The following UTRN variants were observed in gnomAD, a reference collection of about 807,000 sequenced individuals.
UTRN encodes dystrophin-related protein 1.
Under a neutral mutation model 463.9 loss-of-function variants are expected in UTRN, and 283 were observed. The observed-to-expected ratio is 0.61, with a 90% CI of 0.55 to 0.67. The LOEUF is 0.67. Ranked by LOEUF, UTRN falls within the 30% of genes least tolerant of loss-of-function variation. UTRN has a pLI of 0.00. For missense variants in UTRN, 3,922 were observed against 4,084.3 expected (o/e 0.96, Z 1.08); for synonymous variants, 1,442 against 1,431.5 (o/e 1.01, Z -0.17).
chr6:144,743,956 A>G (rs1298953182), intron 54 of UTRN, among the ~76,000 whole-genome samples: 5 of 150,610 alleles, frequency 3.3e-5, no homozygotes, highest in African/African-American at 4.9e-5. Context: ...TATTCATAAT[A>G]CATGATACAT....
intron 51 of UTRN, among the ~76,000 whole-genome samples, chr6:144,585,656 C>T (rs1376928980): frequency 2.0e-5 from 3 of 151,984 alleles, no homozygotes; most frequent in African/African-American, 7.2e-5. Flanking sequence ...GTAGCTATAC[C>T]AACCAAAAAT....
intron 58 of UTRN, among the ~76,000 whole-genome samples, chr6:144,763,380 C>G (rs958550921): frequency 2.6e-5 from 4 of 152,120 alleles, no homozygotes; most frequent in Admixed American, 2.0e-4. Flanking sequence ...CTGCAAAGCT[C>G]TTTTAGACCT....
intron 20 of UTRN, 68 bp downstream of exon 20, chr6:144,459,079 C>T (rs1393896936): frequency 3.2e-6 from 5 of 1,562,454 alleles, no homozygotes; most frequent in East Asian, 2.3e-5. Context: ...GAGGGCTTCT[C>T]GTATCATGAA....
At chr6:144,481,486 ATTAT>A (rs1286078071) in intron 26 of UTRN, among the ~76,000 whole-genome samples, 1 of 152,234 alleles carries the variant, frequency 6.6e-6, no homozygotes, top group African/African-American at 2.4e-5. Context: ...AAAAGCTTAA[ATTAT>A]TTAGAGAACT....
chr6:144,381,425 A>C (rs539231528), intron 2 of UTRN, among the ~76,000 whole-genome samples: 1 of 152,280 alleles, frequency 6.6e-6, no homozygotes, highest in African/African-American at 2.4e-5. Context: ...TCCACCACTA[A>C]TGGGCATTTA....
At chr6:144,783,802 A>T (rs1776069426) in intron 61 of UTRN, among the ~76,000 whole-genome samples, 1 of 152,156 alleles carries the variant, frequency 6.6e-6, no homozygotes, top group African/African-American at 2.4e-5. Flanking sequence ...AGTCTTTCTA[A>T]ATAATCAGCC....
rs568435665 is a variant in UTRN, at chr6:144,301,120, TC to T, written c.79+9215del. Among the ~76,000 whole-genome samples, 26 of 152,254 alleles carry T rather than the reference TC, an allele frequency of 1.7e-4. No homozygotes were observed. The South Asian group carries it at 5.4e-3, about 32-fold the overall frequency. On this transcript the variant is annotated intron_variant, in intron 2 of 74. Coordinates refer to ENST00000367545, the MANE Select transcript of UTRN (RefSeq NM_007124.3). ...AGTTTACTCTGTTACCTCATCTAGT[TC>T]CTTTAGGTGATTAGAAAATGCCGTA...
chr6:144,630,351 C>T (rs1266105330), intron 51 of UTRN, among the ~76,000 whole-genome samples: 1 of 152,170 alleles, frequency 6.6e-6, no homozygotes, highest in Non-Finnish European at 1.5e-5. Flanking sequence ...AAAGACATAC[C>T]TGACACTGGG....
intron 7 of UTRN, among the ~76,000 whole-genome samples, chr6:144,426,703 T>TA (rs1214868034): frequency 1.3e-5 from 2 of 152,200 alleles, no homozygotes; most frequent in Non-Finnish European, 2.9e-5. Context: ...TTTATGAATT[T>TA]AAAAAATATG....
At chr6:144,465,275 C>T (rs919827894) in intron 23 of UTRN, among the ~76,000 whole-genome samples, 1 of 152,162 alleles carries the variant, frequency 6.6e-6, no homozygotes, top group African/African-American at 2.4e-5. Context: ...ATGTATGCTA[C>T]TATTTCAATA....
intron 51 of UTRN, among the ~76,000 whole-genome samples, chr6:144,590,995 AC>A (rs1803008955): frequency 6.6e-6 from 1 of 152,166 alleles, no homozygotes; most frequent in African/African-American, 2.4e-5. Flanking sequence ...TACTGTTGTT[AC>A]CGTTACCACT....
At position 144,851,992 on chromosome 6, in the gene UTRN, T is replaced by C. The variant is rs1011529755; in HGVS notation, c.*995T>C. The stretch of plus-strand genomic sequence containing the variant: ...CCTATTGTGATACCAGAACACATCA[T>C]TGTCTTTGGTTCCCTTCAAAGAGAA... On this transcript the variant is annotated 3_prime_UTR_variant, in exon 75 of 75. Transcript: ENST00000367545. 2.7e-5 allele frequency: 4 copies of C among 150,518 alleles called. No homozygotes were observed. The highest frequency in any genetic ancestry group is 4.4e-5 in the Non-Finnish European group (3 of 67,984). 9.3% of individuals were successfully genotyped at this position (150,518 alleles called of 1,614,324 possible). A position where few individuals can be genotyped will look rare whatever the true frequency, so the allele number is the denominator to read the frequency against.
At position 144,382,461 on chromosome 6, in the gene UTRN, A is replaced by G. The variant is rs1351978341; in HGVS notation, c.80-20662A>G. Reference sequence around the variant, plus strand: ...GTATTCTAAGACAATTCTCCAGGGGATTCTGATGTTTTGCTACATCTGGGA... The same window carrying G: ...GTATTCTAAGACAATTCTCCAGGGGGTTCTGATGTTTTGCTACATCTGGGA... On this transcript the variant is annotated intron_variant, in intron 2 of 74. Transcript: ENST00000367545. Among the ~76,000 whole-genome samples the G allele has an allele frequency of 2.0e-5, 3 of 152,108 alleles. No homozygotes were observed. In the East Asian group the frequency reaches 5.8e-4, roughly 29 times the overall value.
intron 56 of UTRN, among the ~76,000 whole-genome samples, chr6:144,752,748 G>A (rs972223069): frequency 7.9e-5 from 12 of 151,316 alleles, no homozygotes; most frequent in African/African-American, 2.2e-4. Flanking sequence ...TTTTTCTTCT[G>A]CTCTGTTTCT....
intron 2 of UTRN, among the ~76,000 whole-genome samples, chr6:144,384,002 C>T (rs1271607570): frequency 1.3e-5 from 2 of 152,162 alleles, no homozygotes; most frequent in Non-Finnish European, 2.9e-5. Context: ...AAAAATAACA[C>T]TGTGAAATGA....
chr6:144,392,220 G>GT (rs1782001235), intron 2 of UTRN, among the ~76,000 whole-genome samples: 1 of 152,116 alleles, frequency 6.6e-6, no homozygotes, highest in Admixed American at 6.5e-5. Context: ...CATTTTACCT[G>GT]TTTTTTAATG....
chr6:144,610,349 CA>C (rs1805362397), intron 51 of UTRN, among the ~76,000 whole-genome samples: 1 of 152,018 alleles, frequency 6.6e-6, no homozygotes, highest in African/African-American at 2.4e-5. Flanking sequence ...TAGACACACA[CA>C]ACCTATCAAG....
rs755663983 is a variant in UTRN, at chr6:144,437,626, A to T, written c.1121A>T (p.Asn374Ile). The change falls in exon 11 of 75, where the codon AAC becomes ATC. Residue 374 changes from asparagine to isoleucine, a missense_variant. Asn to Ile is a moderately radical substitution (Grantham distance 149). Coordinates refer to ENST00000367545, the MANE Select transcript of UTRN (RefSeq NM_007124.3). Reference protein sequence around the residue: ...SSVGSVLQAGNQLITQGTLSD... With the variant: ...SSVGSVLQAGIQLITQGTLSD... ...GTGGGCAGCGTCCTGCAGGCAGGCA[A>T]CCAACTGATAACACAAGGAACTCTG... 12 of 1,614,128 alleles carry T rather than the reference A, an allele frequency of 7.4e-6. No individual in the cohort carries two copies. The highest frequency in any genetic ancestry group is 1.6e-4 in the Middle Eastern group (1 of 6,062).
At chr6:144,847,127 AAT>A (rs1237089141) in intron 74 of UTRN, among the ~76,000 whole-genome samples, 5 of 152,148 alleles carry the variant, frequency 3.3e-5, no homozygotes, top group Non-Finnish European at 7.3e-5. Context: ...TGCTCTCTCA[AAT>A]GTCTACTTAA....
Sources: gnomAD v4.1 joint callset for allele counts (sites outside exome capture counted in the v4.1 genomes callset) on GRCh38, gnomAD v4.1.1 for gene constraint, MANE v1.5 for transcripts, NCBI Gene and HGNC (gene_info 2026-07-23, HGNC 2026-07-21) for gene names.